GARNL3: variants seen among roughly 807,000 people sequenced by gnomAD.
GARNL3 encodes GTPase-activating Rap/Ran-GAP domain-like protein 3.
In GARNL3, 63 loss-of-function variants were observed where a neutral mutation model predicts 125.0. The observed-to-expected ratio is 0.50, with a 90% CI of 0.41 to 0.62. GARNL3 has a LOEUF of 0.62. GARNL3 is among the 20% of genes least tolerant of loss of function. The pLI, the probability that GARNL3 is intolerant of heterozygous loss-of-function variation, is 0.00. For synonymous variants in GARNL3, 439 were observed against 457.5 expected, an observed-to-expected ratio of 0.96 and a Z score of 0.52; for missense variants, 994 against 1,244.0, an observed-to-expected ratio of 0.80 and a Z score of 3.02.
At chr9:127,382,143 T>G (rs1220048286) in intron 22 of GARNL3, among the ~76,000 whole-genome samples, 2 of 151,714 alleles carry the variant, frequency 1.3e-5, no homozygotes, top group Non-Finnish European at 1.5e-5. Flanking sequence ...CTACTAAAAA[T>G]GCAAAAACTA....
rs767138467 is a variant in GARNL3 at position 127,385,136 on chromosome 9, G to A, written c.2379G>A (p.Val793=). 5 of 1,600,616 alleles carry A rather than the reference G, an allele frequency of 3.1e-6. No homozygotes were observed. Among genetic ancestry groups the A allele is most frequent in the Middle Eastern group, 1.7e-4 (1 of 5,980 alleles). The change falls in exon 24 of 28, where the codon GTG becomes GTA. Residue 793 remains valine (V), a synonymous_variant. Transcript: ENST00000373387. The surrounding 1 kb of genome is among the most constrained non-coding windows in gnomAD (Gnocchi z 4.1). ...CAGTCGTGCCGCAGCTGCAGCTGGT[G>A]GCCTCCAGGGTGAGTAGGACTGGGA... ...HTAVVPQLQL[V]ASRSDIYFTA...
Position 127,338,147 on chromosome 9 carries a change from A to G in GARNL3, c.1014A>G (p.Gln338=), listed in dbSNP as rs1468922780. ...TTGCCTTAGTGAGATACAATCAACA[A>G]AATGACAATTACAGGTAGGTAATGA... ...HIFALVRYNQ[Q]NDNYRLKIFS... The change falls in exon 12 of 28, where the codon CAA becomes CAG. Residue 338 remains glutamine, a synonymous_variant. Coordinates refer to ENST00000373387, the MANE Select transcript of GARNL3 (RefSeq NM_032293.5). The G allele has an allele frequency of 1.9e-6, 3 of 1,611,666 alleles. No individual in the cohort carries two copies. The South Asian group carries it at 3.3e-5, about 18-fold the overall frequency.
chr9:127,327,557 G>T (rs143591213), intron 7 of GARNL3, among the ~76,000 whole-genome samples: 1 of 152,108 alleles, frequency 6.6e-6, no homozygotes, highest in African/African-American at 2.4e-5. Context: ...GCAGGCAAAG[G>T]GAGATGCTTG....
rs139622280 is a variant in GARNL3, at chr9:127,370,385, G to A, written c.2161+5019G>A. Among the ~76,000 whole-genome samples the A allele has an allele frequency of 1.8e-3, 272 of 152,318 alleles. 9 individuals carry two copies. In the South Asian group the frequency reaches 0.048, roughly 27 times the overall value. ...ACAGGATTCCATATGACAGGATGCC[G>A]TTGAAAGTGTGCTGCCCAGAGAGAA... On this transcript the variant is annotated intron_variant, in intron 22 of 27. Coordinates refer to ENST00000373387, the MANE Select transcript of GARNL3 (RefSeq NM_032293.5).
chr9:127,357,572 A>G (rs1015962375), intron 21 of GARNL3, among the ~76,000 whole-genome samples, 195 bp downstream of exon 21: 3 of 152,194 alleles, frequency 2.0e-5, no homozygotes, highest in African/African-American at 4.8e-5. Context: ...TCTATCTATT[A>G]TCATGTGACT....
intron 1 of GARNL3, among the ~76,000 whole-genome samples, chr9:127,237,068 A>T (rs1346525775): frequency 6.6e-6 from 1 of 152,216 alleles, no homozygotes; most frequent in Admixed American, 6.5e-5. Context: ...GATCCAGGGA[A>T]TTAAGTGTGT....
At chr9:127,258,431 G>C (rs1299043370) in intron 2 of GARNL3, among the ~76,000 whole-genome samples, 1 of 152,116 alleles carries the variant, frequency 6.6e-6, no homozygotes, top group Non-Finnish European at 1.5e-5. Flanking sequence ...CTTGAGCCCA[G>C]GAGTTTGAGA....
At chr9:127,376,212 G>C (rs1312374229) in intron 22 of GARNL3, among the ~76,000 whole-genome samples, 2 of 152,006 alleles carry the variant, frequency 1.3e-5, no homozygotes, top group African/African-American at 4.8e-5. Context: ...CACCTGCCTC[G>C]GCCTCCCAAA....
In GARNL3 at chr9:127,276,255, G is replaced by C. The variant is rs144990222; in HGVS notation, c.144+11234G>C. Among the ~76,000 whole-genome samples the C allele has an allele frequency of 1.6e-4, 25 of 152,156 alleles. No individual in the cohort carries two copies. The East Asian group carries it at 4.2e-3, about 26-fold the overall frequency. On this transcript the variant is annotated intron_variant, in intron 1 of 27. Transcript: ENST00000373387. ...CTCCCACCTTAGCCTCCCAAGGCAA[G>C]GCTGGGATTACAGGTCAGTCTTCAT...
intron 24 of GARNL3, among the ~76,000 whole-genome samples, chr9:127,386,376 A>T (rs1008118104): frequency 2.6e-4 from 39 of 152,362 alleles, no homozygotes; most frequent in Middle Eastern, 3.4e-3. Context: ...CAATCAACAA[A>T]ACAACAAATC....
At chr9:127,264,060 T>A, upstream of GARNL3, 1 of 1,007,174 alleles carries the variant, frequency 9.9e-7, no homozygotes, top group Non-Finnish European at 1.5e-6. Context: ...AGTAAACATG[T>A]TATTCCTATA....
intron 22 of GARNL3, among the ~76,000 whole-genome samples, chr9:127,382,169 G>A (rs1172578237): frequency 1.3e-5 from 2 of 151,892 alleles, no homozygotes; most frequent in Admixed American, 6.6e-5. Context: ...GCATGGTGGC[G>A]GGCGTCTGTA....
chr9:127,353,860 G>A lies in GARNL3; in HGVS notation c.1558G>A (p.Val520Met). 1 of 1,612,666 alleles carries A rather than the reference G, an allele frequency of 6.2e-7. No individual in the cohort carries two copies. The highest frequency in any genetic ancestry group is 8.5e-7 in the Non-Finnish European group (1 of 1,178,660). ...TCCTTTTCCAGATGACCTTCCATCA[G>A]TGCCCGTGTTTGACAGAACTCTGCC... ...VLLVDDDLPS[V>M]PVFDRTLPVK... Residue 520 changes from valine to methionine, a missense_variant, in exon 18 of 28, where the codon GTG (valine) becomes ATG (methionine). By Grantham distance (21) the Val-to-Met change is conservative (BLOSUM62 1). Around this residue, in one of 5 missense-constraint regions of GARNL3, gnomAD observed 728 missense variants for 865.7 expected, o/e 0.84. Coordinates refer to ENST00000373387, the MANE Select transcript of GARNL3 (RefSeq NM_032293.5).
Position 127,336,038 on chromosome 9 carries a change from G to T in GARNL3, c.874-90G>T, listed in dbSNP as rs569496692. The T allele has an allele frequency of 5.4e-6, 5 of 920,478 alleles. No homozygotes were observed. The Admixed American group carries it at 8.3e-5, about 15-fold the overall frequency. The allele number at this position is 920,478 out of a possible 1,614,324, so 57.0% of individuals were successfully genotyped here. A position where few individuals can be genotyped will look rare whatever the true frequency, so the allele number is the denominator to read the frequency against. ...TTCAGGGCTCTGTCATAGTGGCTGT[G>T]GTTTGTTATATTGGGTTATGTTTTT... On this transcript the variant is annotated intron_variant, in intron 10 of 27. Transcript: ENST00000373387.
chr9:127,293,077 A>C (rs1009143629), intron 2 of GARNL3, among the ~76,000 whole-genome samples: 1 of 151,942 alleles, frequency 6.6e-6, no homozygotes, highest in Non-Finnish European at 1.5e-5. Context: ...GCTCCATTGG[A>C]GCACCTTGGC....
intron 7 of GARNL3, among the ~76,000 whole-genome samples, chr9:127,328,915 C>T (rs1321392960): frequency 6.6e-6 from 1 of 152,152 alleles, no homozygotes; most frequent in African/African-American, 2.4e-5. Context: ...TGTTGAATGT[C>T]TGAGCAAGAC....
intron 17 of GARNL3, among the ~76,000 whole-genome samples, chr9:127,351,492 G>T (rs74454304): frequency 0.025 from 3,859 of 151,794 alleles, 171 homozygotes; most frequent in African/African-American, 0.088. Flanking sequence ...AAAAGAAGAA[G>T]AATCTTCAGG....
intron 1 of GARNL3, among the ~76,000 whole-genome samples, chr9:127,227,481 A>C (rs2062933543): frequency 6.6e-6 from 1 of 152,080 alleles, no homozygotes; most frequent in Admixed American, 6.5e-5. Context: ...GGCGCCTGTA[A>C]TCCCAACTAC....
chr9:127,391,533 A>AAAAAAAAAAAAAAAAAAAAAAAAAAT, intron 27 of GARNL3, among the ~76,000 whole-genome samples: 2 of 75,874 alleles, frequency 2.6e-5, no homozygotes, highest in East Asian at 3.9e-4. Context: ...ACAAAAAAAA[A>AAAAAAAAAAAAAAAAAAAAAAAAAAT]ATATATATAT....
Sources: gnomAD v4.1 joint callset for allele counts (sites outside exome capture counted in the v4.1 genomes callset) on GRCh38, gnomAD v4.1.1 for gene constraint, gnomAD v4.1.1 regional missense constraint, Gnocchi (gnomAD v3.1) non-coding constraint, MANE v1.5 for transcripts, NCBI Gene and HGNC (gene_info 2026-07-23, HGNC 2026-07-21) for gene names.